Variants in CALCOCO2 observed in about 807,000 individuals in gnomAD.
The protein encoded by CALCOCO2 is calcium binding and coiled-coil domain 2.
Under a neutral mutation model 62.5 loss-of-function variants are expected in CALCOCO2, and 42 were observed. That is an observed-to-expected ratio of 0.67 (90% CI 0.53 to 0.87). CALCOCO2 has a LOEUF of 0.87. Among genes scored for constraint, CALCOCO2 ranks in the 40% least tolerant of loss-of-function variants. The pLI is 0.00. For synonymous variants in CALCOCO2, 167 were observed against 173.0 expected (o/e 0.97, Z 0.27); for missense variants, 456 against 515.0 (o/e 0.89, Z 1.11).
chr17:48,859,113 T>G lies in CALCOCO2; in HGVS notation c.1009-1201T>G, dbSNP rs2040289212. Among the ~76,000 whole-genome samples the G allele has an allele frequency of 1.3e-5, 2 of 150,862 alleles. 1 individual carries two copies. Among genetic ancestry groups the G allele is most frequent in the South Asian group, 4.2e-4 (2 of 4,764 alleles). On this transcript the variant is annotated intron_variant, in intron 10 of 12. Coordinates refer to ENST00000258947, the MANE Select transcript of CALCOCO2 (RefSeq NM_005831.5). ...CCCTCTTAAGATGATAAGGGAATTT[T>G]GCTTATTTTCTTTTTCCTAAGAACT...
In CALCOCO2 at chr17:48,852,989, A is replaced by G. The variant is rs1284317634; in HGVS notation, c.889A>G (p.Met297Val). The G allele has an allele frequency of 1.9e-6, 3 of 1,612,636 alleles. No homozygotes were observed. The highest frequency in any genetic ancestry group is 1.7e-5 in the Admixed American group (1 of 60,020). Residue 297 changes from methionine to valine, a missense_variant, in exon 9 of 13, where the codon ATG becomes GTG. Met to Val is a conservative substitution (Grantham distance 21). Transcript: ENST00000258947. Reference protein sequence around the residue: ...EQMKQNETTAMKKQQELMDEN... With the variant: ...EQMKQNETTAVKKQQELMDEN... ...AATGAAGCAGAATGAAACTACTGCA[A>G]TGAAGAAACAACAGGAATTAATGGC...
chr17:48,842,188 C>G (rs1205015110), intron 2 of CALCOCO2: 1 of 144,500 alleles, frequency 6.9e-6, no homozygotes, highest in Non-Finnish European at 1.4e-5. Context: ...TAGAGTCTTG[C>G]TCTGTCACCT....
At chr17:48,850,249 A>G (rs2040109028) in intron 5 of CALCOCO2, among the ~76,000 whole-genome samples, 1 of 152,148 alleles carries the variant, frequency 6.6e-6, no homozygotes, top group African/African-American at 2.4e-5. Flanking sequence ...CAGTGAGCCA[A>G]GATCACACCC....
In CALCOCO2 at chr17:48,858,035, A is replaced by AATAG. The variant is rs1567759357; in HGVS notation, c.1008+1850_1008+1853dup. Among the ~76,000 whole-genome samples, 81 of 13,880 alleles carry AATAG rather than the reference A, an allele frequency of 5.8e-3. 7 individuals carry two copies. Among genetic ancestry groups the AATAG allele is most frequent in the African/African-American group, 0.011 (70 of 6,376 alleles). 9.1% of individuals were successfully genotyped at this position (13,880 alleles called of 152,430 possible). A position where few individuals can be genotyped will look rare whatever the true frequency, so the allele number is the denominator to read the frequency against. ...AATAGAATAGAATAGAATAGAATAG[A>AATAG]ATAGAATAGAAAATAGAATAGAATA... On this transcript the variant is annotated intron_variant, in intron 10 of 12. Transcript: ENST00000258947.
intron 7 of CALCOCO2, 153 bp from the exon 8 acceptor site, chr17:48,852,353 G>T: frequency 1.6e-6 from 1 of 618,238 alleles, no homozygotes. Context: ...CCTTAAAGAG[G>T]TGCTTTAAAG....
intron 2 of CALCOCO2, chr17:48,846,617 G>C (rs1037260566): frequency 1.6e-6 from 1 of 639,496 alleles, no homozygotes; most frequent in African/African-American, 1.8e-5. Context: ...ATGTGAATGA[G>C]GACTCCATAA....
At chr17:48,853,252 A>G in intron 9 of CALCOCO2, 1 of 438,300 alleles carries the variant, frequency 2.3e-6, no homozygotes. Flanking sequence ...GACAAGATGT[A>G]GTTAACTAGA....
In CALCOCO2 at chr17:48,833,546, CAAAAAA is replaced by C. The variant is rs10583747; in HGVS notation, c.-11+2479_-11+2484del. Among the ~76,000 whole-genome samples the C allele has an allele frequency of 2.3e-5, 3 of 128,478 alleles. No individual in the cohort carries two copies. The Admixed American group carries it at 2.3e-4, about 10-fold the overall frequency. 84.3% of individuals were successfully genotyped at this position (128,478 alleles called of 152,430 possible). A position where few individuals can be genotyped will look rare whatever the true frequency, so the allele number is the denominator to read the frequency against. On this transcript the variant is annotated intron_variant, in intron 1 of 12. Transcript: ENST00000258947. ...TGGGCAACAGAGAGAGACTCTGTCT[CAAAAAA>C]AAAAAAAAAAGAAAGAAAAAAAGTA...
At chr17:48,862,815 G>C (rs1041026263) in intron 12 of CALCOCO2, 23 bp from the exon 13 acceptor site, 1 of 1,609,558 alleles carries the variant, frequency 6.2e-7, no homozygotes, top group Admixed American at 1.7e-5. Context: ...CATTTGTACT[G>C]ACCTCTTTGC....
At position 48,844,388 on chromosome 17, in the gene CALCOCO2, G is replaced by T. The variant is rs2040018186; in HGVS notation, c.180+2501G>T. The stretch of plus-strand genomic sequence containing the variant: ...TTATATTTCTATTTTGCTTAGACTG[G>T]TTGTATTCCCCCAAGCGCTTAGCAA... On this transcript the variant is annotated intron_variant, in intron 2 of 12. Transcript: ENST00000258947. 1.3e-5 allele frequency among the ~76,000 whole-genome samples: 2 copies of T among 151,650 alleles called. 1 individual carries two copies. Among genetic ancestry groups the T allele is most frequent in the South Asian group, 4.2e-4 (2 of 4,802 alleles).
At position 48,853,338 on chromosome 17, in the gene CALCOCO2, G is replaced by C. The variant is rs566907528; in HGVS notation, c.912+326G>C. On this transcript the variant is annotated intron_variant, in intron 9 of 12. Transcript: ENST00000258947. ...TTACAATAGGGGCAGACAAATGAAT[G>C]GTTATAAAGGGCTCTACGACAGGAA... 10 of 195,308 alleles carry C rather than the reference G, an allele frequency of 5.1e-5. No individual in the cohort carries two copies. In the East Asian group the frequency reaches 1.1e-3, roughly 22 times the overall value. 12.1% of individuals were successfully genotyped at this position (195,308 alleles called of 1,614,324 possible). A position where few individuals can be genotyped will look rare whatever the true frequency, so the allele number is the denominator to read the frequency against.
At position 48,849,287 on chromosome 17, in the gene CALCOCO2, G is replaced by C; in HGVS notation, c.453G>C (p.Glu151Asp). ...AAGAGATTGAGCAGCACAACAAGGA[G>C]CTTTGCAAAGAAAACCAGGAGCTGA... is the stretch of plus-strand genomic sequence containing the variant. ...EVEEIEQHNKELCKENQELKD... is the reference protein window; with the variant it reads ...EVEEIEQHNKDLCKENQELKD... The change falls in exon 5 of 13, where the codon GAG becomes GAC. Residue 151 changes from glutamate (E) to aspartate (D), a missense_variant. Around this residue, in one of 3 missense-constraint regions of CALCOCO2, gnomAD observed 236 missense variants for 225.3 expected, o/e 1.05. Transcript: ENST00000258947. 3 of 1,613,718 alleles carry C rather than the reference G, an allele frequency of 1.9e-6. No homozygotes were observed. The highest frequency in any genetic ancestry group is 2.5e-6 in the Non-Finnish European group (3 of 1,179,692).
At chr17:48,842,646 C>CT (rs767641922) in intron 2 of CALCOCO2, 1,020 of 99,338 alleles carry the variant, frequency 0.01, 11 homozygotes, top group African/African-American at 0.028. Context: ...TGATTTCTTT[C>CT]TTTTTTTTTT....
intron 7 of CALCOCO2, 45 bp downstream of exon 7, chr17:48,851,673 A>C: frequency 9.1e-7 from 1 of 1,094,804 alleles, no homozygotes; most frequent in Non-Finnish European, 1.4e-6. Context: ...TCTTAGCCTT[A>C]CCACTGCTCC....
At position 48,848,096 on chromosome 17, in the gene CALCOCO2, C is replaced by T; in HGVS notation, c.213C>T (p.Thr71=). Residue 71 remains threonine, a synonymous_variant, in exon 3 of 13, where the codon ACC becomes ACT. Coordinates refer to ENST00000258947, the MANE Select transcript of CALCOCO2 (RefSeq NM_005831.5). ...GGAAGACAACCCGTGAGTATTACAC[C>T]TTCATGTGGGTTACTTTGCCCATTG... ...VGWKTTREYY[T]FMWVTLPIDL... 1 of 1,612,992 alleles carries T rather than the reference C, an allele frequency of 6.2e-7. No individual in the cohort carries two copies.
At chr17:48,845,740 A>AAG (rs1555572553) in intron 2 of CALCOCO2, among the ~76,000 whole-genome samples, 4 of 151,182 alleles carry the variant, frequency 2.6e-5, no homozygotes, top group Admixed American at 6.6e-5. Flanking sequence ...AAAAAAAAAA[A>AAG]AAAAGAAAAG....
chr17:48,862,737 G>A (rs1381487820), intron 12 of CALCOCO2, 101 bp from the exon 13 acceptor site: 3 of 902,636 alleles, frequency 3.3e-6, no homozygotes, highest in South Asian at 1.4e-5. Context: ...CCATGTGCCA[G>A]TCATTATGCT....
intron 4 of CALCOCO2, 34 bp downstream of exon 4, chr17:48,848,489 C>T (rs373823636): frequency 7.4e-5 from 117 of 1,589,558 alleles, no homozygotes; most frequent in Middle Eastern, 1.7e-4. Context: ...TCCCTTACTG[C>T]CATTACGGGT....
At chr17:48,849,956 G>A (rs560770769) in intron 5 of CALCOCO2, among the ~76,000 whole-genome samples, 183 of 151,858 alleles carry the variant, frequency 1.2e-3, no homozygotes, top group Admixed American at 3.0e-3. Context: ...TCAGGAGTTC[G>A]AGACCAGCCT....
Sources: gnomAD v4.1 joint callset for allele counts (sites outside exome capture counted in the v4.1 genomes callset) on GRCh38, gnomAD v4.1.1 for gene constraint, gnomAD v4.1.1 regional missense constraint, MANE v1.5 for transcripts, NCBI Gene and HGNC (gene_info 2026-07-23, HGNC 2026-07-21) for gene names.